Variants in CAGE1 observed in about 807,000 individuals in gnomAD.
CAGE1 encodes the protein cancer antigen 1, also known as cancer-associated gene 1 protein.
Under a neutral mutation model 94.9 loss-of-function variants are expected in CAGE1, and 66 were observed. The ratio of observed to expected loss-of-function variants is 0.70; its 90% confidence interval spans 0.57 to 0.85. The LOEUF (loss-of-function observed/expected upper bound fraction) is 0.85. Among genes scored for constraint, CAGE1 ranks in the 40% least tolerant of loss-of-function variants. The pLI is 0.00. For missense variants in CAGE1, 865 were observed against 950.4 expected, an observed-to-expected ratio of 0.91 and a Z score of 1.18; for synonymous variants, 319 against 321.0, an observed-to-expected ratio of 0.99 and a Z score of 0.07.
intron 12 of CAGE1, chr6:7,331,740 C>T (rs1758762391): frequency 6.1e-6 from 1 of 164,742 alleles, no homozygotes; most frequent in South Asian, 1.7e-4. Context: ...GCTCCTCTCC[C>T]GCTTCCTCTC....
chr6:7,344,546 G>A (rs540929511), intron 11 of CAGE1, among the ~76,000 whole-genome samples: 4 of 152,316 alleles, frequency 2.6e-5, no homozygotes, highest in African/African-American at 4.8e-5. Context: ...GATGAGCGCC[G>A]CCCCCTGCTC....
intron 11 of CAGE1, among the ~76,000 whole-genome samples, chr6:7,336,967 G>A (rs1430527881): frequency 1.3e-5 from 2 of 151,994 alleles, no homozygotes; most frequent in East Asian, 1.9e-4. Context: ...TTGGATACAC[G>A]ATTTACAAAT....
chr6:7,332,222 A>T (rs1758779802), intron 12 of CAGE1, among the ~76,000 whole-genome samples: 1 of 152,174 alleles, frequency 6.6e-6, no homozygotes, highest in South Asian at 2.1e-4. Context: ...AGGACAGCTC[A>T]TACTTGGCTG....
intron 11 of CAGE1, among the ~76,000 whole-genome samples, chr6:7,345,750 C>G (rs994286544): frequency 6.6e-6 from 1 of 151,696 alleles, no homozygotes; most frequent in Non-Finnish European, 1.5e-5. Context: ...ACTAAAACCC[C>G]GTCTCTACTA....
At chr6:7,345,791 G>A (rs559213378) in intron 11 of CAGE1, among the ~76,000 whole-genome samples, 1 of 152,216 alleles carries the variant, frequency 6.6e-6, no homozygotes, top group African/African-American at 2.4e-5. Context: ...TGGGCGTCGT[G>A]GCAGGCCCCC....
chr6:7,344,233 G>A (rs999293662), intron 11 of CAGE1, among the ~76,000 whole-genome samples: 23 of 152,088 alleles, frequency 1.5e-4, no homozygotes, highest in African/African-American at 5.3e-4. Context: ...GGCGCCAGCG[G>A]GAACCGGGGC....
At position 7,345,590 on chromosome 6, in the gene CAGE1, C is replaced by T. The variant is rs571433370; in HGVS notation, c.2369+9451G>A. On this transcript the variant is annotated intron_variant, in intron 11 of 13. Transcript: ENST00000502583. ...TTTAGAAAAACAATGTCACTAATAG[C>T]TTTCATAGTAAACAGCTGTTTCTAA... Among the ~76,000 whole-genome samples the T allele has an allele frequency of 9.2e-5, 14 of 152,312 alleles. No individual in the cohort carries two copies. The East Asian group carries it at 1.9e-3, about 21-fold the overall frequency.
chr6:7,375,187 G>T (rs1760694269), intron 4 of CAGE1, among the ~76,000 whole-genome samples: 1 of 151,902 alleles, frequency 6.6e-6, no homozygotes, highest in Non-Finnish European at 1.5e-5. Context: ...GAGGCGGGTG[G>T]ATCATGAGGT....
At chr6:7,358,485 T>C (rs60788597) in intron 9 of CAGE1, among the ~76,000 whole-genome samples, 5,488 of 152,204 alleles carry the variant, frequency 0.036, 126 homozygotes, top group South Asian at 0.07. Context: ...TTATTATAAA[T>C]AAAGCTACAA....
At chr6:7,349,287 G>C (rs1041675131) in intron 11 of CAGE1, among the ~76,000 whole-genome samples, 1 of 152,142 alleles carries the variant, frequency 6.6e-6, no homozygotes, top group African/African-American at 2.4e-5. Flanking sequence ...TTATCAGCTA[G>C]GAATTTTGTA....
At chr6:7,330,182 G>T (rs1184461054) in intron 12 of CAGE1, among the ~76,000 whole-genome samples, 1 of 152,154 alleles carries the variant, frequency 6.6e-6, no homozygotes, top group African/African-American at 2.4e-5. Context: ...GAGGTCAGGA[G>T]TTCAAGACCA....
intron 11 of CAGE1, among the ~76,000 whole-genome samples, chr6:7,349,900 C>T (rs1581673149): frequency 6.9e-6 from 1 of 145,956 alleles, no homozygotes; most frequent in South Asian, 2.1e-4. Context: ...TGTTGCACTC[C>T]AGCCTGGGCG....
At position 7,353,519 on chromosome 6, in the gene CAGE1, A is replaced by G. The variant is rs1452906773; in HGVS notation, c.2369+1522T>C. ...TTAAAGAGCTAAAAGTAGAACTATC[A>G]TTTGATCCAGCAACCCCAATACTGG... On this transcript the variant is annotated intron_variant, in intron 11 of 13. Coordinates refer to ENST00000502583, the MANE Select transcript of CAGE1 (RefSeq NM_001170692.2). Among the ~76,000 whole-genome samples the G allele has an allele frequency of 2.6e-5, 4 of 152,312 alleles. No individual in the cohort carries two copies. The South Asian group carries it at 8.3e-4, about 32-fold the overall frequency.
chr6:7,334,047 GCTTT>G lies in CAGE1; in HGVS notation c.2409_2412del (p.Arg803SerfsTer14), dbSNP rs1758865583. ...CTTGGTTTTCTGGCTTTTTCTCTGG[GCTTT>G]CTAATTAAATCCTCTAAATGTTTAT... On this transcript the variant is annotated frameshift_variant, in exon 12 of 14. Transcript: ENST00000502583. LOFTEE classifies it high-confidence loss of function. The G allele has an allele frequency of 7.2e-6, 11 of 1,535,052 alleles. No homozygotes were observed. Among genetic ancestry groups the G allele is most frequent in the Non-Finnish European group, 9.7e-6 (11 of 1,133,540 alleles).
chr6:7,346,576 G>A (rs1187187241), intron 11 of CAGE1, among the ~76,000 whole-genome samples: 4 of 151,596 alleles, frequency 2.6e-5, no homozygotes, highest in Non-Finnish European at 5.9e-5. Flanking sequence ...GCTGGGCACG[G>A]TGGTTCACAC....
intron 5 of CAGE1, among the ~76,000 whole-genome samples, chr6:7,372,192 T>A (rs1223562696): frequency 6.6e-6 from 1 of 151,772 alleles, no homozygotes; most frequent in Non-Finnish European, 1.5e-5. Flanking sequence ...AACCCTGGGG[T>A]TGGGCGCAGT....
chr6:7,345,107 T>G (rs1581666601), intron 11 of CAGE1, among the ~76,000 whole-genome samples: 2 of 151,752 alleles, frequency 1.3e-5, no homozygotes, highest in Non-Finnish European at 2.9e-5. Flanking sequence ...TTAACTCTTG[T>G]TGCTGTTTGC....
chr6:7,344,274 T>C (rs552738276), intron 11 of CAGE1, among the ~76,000 whole-genome samples: 1 of 152,184 alleles, frequency 6.6e-6, no homozygotes, highest in African/African-American at 2.4e-5. Context: ...CAGCTGGAGT[T>C]CCGGGTAGGC....
At chr6:7,341,173 A>G (rs1036693184) in intron 11 of CAGE1, 5 of 596,818 alleles carry the variant, frequency 8.4e-6, no homozygotes, top group South Asian at 7.6e-5. Flanking sequence ...CACTTTGTCA[A>G]TCCATTCTGT....
Sources: allele counts gnomAD v4.1 joint callset (sites outside exome capture counted in the v4.1 genomes callset), GRCh38; gene constraint gnomAD v4.1.1; transcripts MANE v1.5; gene names NCBI Gene and HGNC (gene_info 2026-07-23, HGNC 2026-07-21).